CCNT2: variants seen among roughly 807,000 people sequenced by gnomAD.
CCNT2 encodes the protein cyclin-T2.
Under a neutral mutation model 70.0 loss-of-function variants are expected in CCNT2, and 18 were observed. The observed-to-expected ratio is 0.26, with a 90% CI of 0.18 to 0.38. CCNT2 has a LOEUF of 0.38. Ranked by LOEUF, CCNT2 falls within the 10% of genes least tolerant of loss-of-function variation. The probability of loss-of-function intolerance (pLI) is 1.00; values close to 1 mark genes in which losing one functional copy is unlikely to be tolerated. For synonymous variants in CCNT2, 334 were observed against 313.3 expected (o/e 1.07, Z -0.70); for missense variants, 734 against 890.2 (o/e 0.82, Z 2.23).
chr2:134,936,131 A>G (rs914835111), intron 2 of CCNT2, among the ~76,000 whole-genome samples: 7 of 147,642 alleles, frequency 4.7e-5, no homozygotes, highest in Non-Finnish European at 7.4e-5. Context: ...TATAGTGGGT[A>G]TACTTGATCC....
intron 2 of CCNT2, among the ~76,000 whole-genome samples, chr2:134,936,011 A>G (rs561819451): frequency 6.6e-4 from 100 of 152,226 alleles, no homozygotes; most frequent in African/African-American, 2.2e-3. Flanking sequence ...TCAACAAGAT[A>G]GTGAAGGTAT....
In CCNT2 at chr2:134,931,262, CTTTTTTTTTT is replaced by C. The variant is rs112471982; in HGVS notation, c.241-5563_241-5554del. Among the ~76,000 whole-genome samples, 34 of 42,426 alleles carry C rather than the reference CTTTTTTTTTT, an allele frequency of 8.0e-4. 2 individuals carry two copies. The highest frequency in any genetic ancestry group is 6.3e-3 in the South Asian group (3 of 478). The allele number at this position is 42,426 out of a possible 152,430, so 27.8% of individuals were successfully genotyped here. A position where few individuals can be genotyped will look rare whatever the true frequency, so the allele number is the denominator to read the frequency against. On this transcript the variant is annotated intron_variant, in intron 2 of 8. Transcript: ENST00000264157. The stretch of plus-strand genomic sequence containing the variant: ...CAGGCATAAGCCACCATGCCCGGAT[CTTTTTTTTTT>C]TTTTTTTTTTTTTTTGGTATTTGAA...
At chr2:134,946,509 C>A (rs1681975122) in intron 6 of CCNT2, 2 of 692,630 alleles carry the variant, frequency 2.9e-6, no homozygotes, top group African/African-American at 3.8e-5. Flanking sequence ...AGTTAAATGA[C>A]AATTTTTAAA....
chr2:134,919,945 C>A, intron 2 of CCNT2, 54 bp downstream of exon 2: 3 of 1,273,024 alleles, frequency 2.4e-6, no homozygotes, highest in Non-Finnish European at 3.4e-6. Context: ...TAAATCGATA[C>A]GCAGAAAAAA....
chr2:134,953,603 A>G lies in CCNT2; in HGVS notation c.1148A>G (p.Gln383Arg). ...AGCCAGTACAACATCAACTTCCAGCAGGGACCTTCTATATCACTGCATTCA... is the reference window on the plus strand; with the variant it reads ...AGCCAGTACAACATCAACTTCCAGCGGGGACCTTCTATATCACTGCATTCA... ...SGSQYNINFQQGPSISLHSGL... is the reference protein window; with the variant it reads ...SGSQYNINFQRGPSISLHSGL... The change falls in exon 9 of 9, where the codon CAG (glutamine) becomes CGG (arginine). Residue 383 changes from glutamine (Q) to arginine (R), a missense_variant. Physicochemically the swap from Gln to Arg is conservative, Grantham distance 43. Transcript: ENST00000264157. 1 of 1,614,164 alleles carries G rather than the reference A, an allele frequency of 6.2e-7. No individual in the cohort carries two copies. The highest frequency in any genetic ancestry group is 8.5e-7 in the Non-Finnish European group (1 of 1,179,996).
intron 2 of CCNT2, among the ~76,000 whole-genome samples, chr2:134,927,516 T>A (rs189830121): frequency 6.6e-6 from 1 of 152,278 alleles, no homozygotes. Context: ...AATTCTAAAC[T>A]TAGGTGTATA....
chr2:134,935,789 G>T (rs964351564), intron 2 of CCNT2, among the ~76,000 whole-genome samples: 1 of 151,532 alleles, frequency 6.6e-6, no homozygotes, highest in Non-Finnish European at 1.5e-5. Context: ...TCTGTCCCAA[G>T]GACCTAATTT....
At chr2:134,945,487 C>T in intron 5 of CCNT2, 4 of 985,378 alleles carry the variant, frequency 4.1e-6, no homozygotes, top group Non-Finnish European at 4.8e-6. Flanking sequence ...CTGTATCTTT[C>T]CTAAGTTAGT....
In CCNT2 at chr2:134,954,087, G is replaced by A. The variant is rs3814354; in HGVS notation, c.1632G>A (p.Lys544=). 0.48 allele frequency: 782,437 copies of A among 1,613,576 alleles called. 207,820 individuals carry two copies. The highest frequency in any genetic ancestry group is 0.89 in the East Asian group (39,739 of 44,864). ...GCTCTTCTGATGAAGGCAGTGGGAAGAGCAAACATTCAAGCCCACATATTA... is the reference window on the plus strand; with the variant it reads ...GCTCTTCTGATGAAGGCAGTGGGAAAAGCAAACATTCAAGCCCACATATTA... ...RHSSSDEGSG[K]SKHSSPHISR... Residue 544 remains lysine (K), a synonymous_variant, in exon 9 of 9, where the codon AAG becomes AAA. Coordinates refer to ENST00000264157, the MANE Select transcript of CCNT2 (RefSeq NM_058241.3).
intron 3 of CCNT2, among the ~76,000 whole-genome samples, chr2:134,937,969 C>G (rs895486130): frequency 2.0e-5 from 3 of 152,084 alleles, no homozygotes; most frequent in African/African-American, 7.2e-5. Flanking sequence ...GAACCTTTAC[C>G]CATTGAATGA....
intron 2 of CCNT2, among the ~76,000 whole-genome samples, 196 bp from the exon 3 acceptor site, chr2:134,936,645 C>T (rs1681174264): frequency 2.0e-5 from 3 of 151,862 alleles, no homozygotes; most frequent in Non-Finnish European, 4.4e-5. Context: ...CCCACCTTCT[C>T]AGGGAGGCTG....
chr2:134,947,996 G>A, intron 7 of CCNT2, 97 bp downstream of exon 7: 1 of 612,276 alleles, frequency 1.6e-6, no homozygotes, highest in South Asian at 4.5e-5. Flanking sequence ...CAGATGAACA[G>A]AATGAAAACA....
intron 8 of CCNT2, 100 bp downstream of exon 8, chr2:134,952,811 T>C (rs1278709962): frequency 1.2e-6 from 1 of 831,584 alleles, no homozygotes; most frequent in Admixed American, 2.3e-5. Flanking sequence ...CTTTGCAGTA[T>C]TCCTGAATAA....
chr2:134,928,383 A>G (rs556104687), intron 2 of CCNT2, among the ~76,000 whole-genome samples: 2 of 149,966 alleles, frequency 1.3e-5, no homozygotes, highest in Admixed American at 6.7e-5. Flanking sequence ...GGTTCAAGCA[A>G]TTCTCTTGCC....
rs2105101011 is a variant in CCNT2 at position 134,957,413 on chromosome 2, G to A, written c.*2765G>A. On this transcript the variant is annotated 3_prime_UTR_variant, in exon 9 of 9. Coordinates refer to ENST00000264157, the MANE Select transcript of CCNT2 (RefSeq NM_058241.3). ...TTATCTTTAAACATCCTATAAAAGAGTGAGTCATTTTTAAGTTGTGTTTTC... is the reference window on the plus strand; with the variant it reads ...TTATCTTTAAACATCCTATAAAAGAATGAGTCATTTTTAAGTTGTGTTTTC... The A allele has an allele frequency of 6.6e-6, 1 of 152,238 alleles. No individual in the cohort carries two copies. The highest frequency in any genetic ancestry group is 2.1e-4 in the South Asian group (1 of 4,826). 9.4% of individuals were successfully genotyped at this position (152,238 alleles called of 1,614,324 possible). A position where few individuals can be genotyped will look rare whatever the true frequency, so the allele number is the denominator to read the frequency against.
At chr2:134,948,980 G>A (rs908746271) in intron 7 of CCNT2, among the ~76,000 whole-genome samples, 2 of 152,084 alleles carry the variant, frequency 1.3e-5, no homozygotes, top group East Asian at 3.9e-4. Context: ...CTCCCAAAGT[G>A]CTGGGATTAC....
intron 7 of CCNT2, among the ~76,000 whole-genome samples, chr2:134,950,000 T>G (rs1682343204): frequency 6.6e-6 from 1 of 152,172 alleles, no homozygotes; most frequent in Admixed American, 6.5e-5. Flanking sequence ...TTCACCATGT[T>G]GGCCAGGCTG....
chr2:134,931,119 C>T (rs1189725617), intron 2 of CCNT2, among the ~76,000 whole-genome samples: 1 of 151,742 alleles, frequency 6.6e-6, no homozygotes, highest in African/African-American at 2.4e-5. Context: ...CCTGCCGCCA[C>T]GCCCGGCTGA....
At chr2:134,946,928 CTGA>C (rs1682021331) in intron 6 of CCNT2, among the ~76,000 whole-genome samples, 2 of 152,104 alleles carry the variant, frequency 1.3e-5, no homozygotes, top group South Asian at 2.1e-4. Flanking sequence ...TCTTGTGACA[CTGA>C]TAAGTTTTAT....
Sources: allele counts gnomAD v4.1 joint callset (sites outside exome capture counted in the v4.1 genomes callset), GRCh38; gene constraint gnomAD v4.1.1; transcripts MANE v1.5; gene names NCBI Gene and HGNC (gene_info 2026-07-23, HGNC 2026-07-21).